Variants in PTCH1 observed in about 807,000 individuals in gnomAD.
The protein encoded by PTCH1 is protein patched homolog 1.
A neutral mutation model predicts 144.6 loss-of-function variants in PTCH1; 14 were observed. The ratio of observed to expected loss-of-function variants is 0.10; its 90% CI spans 0.06 to 0.15. The LOEUF is 0.15. Among genes scored for constraint, PTCH1 ranks in the 10% least tolerant of loss-of-function variants. The pLI is 1.00. For synonymous variants in PTCH1, 833 were observed against 793.6 expected (o/e 1.05, Z -0.83); for missense variants, 1,623 against 1,948.3 (o/e 0.83, Z 3.14).
At chr9:95,453,135 C>CA in intron 20 of PTCH1, 1 of 356,090 alleles carries the variant, frequency 2.8e-6, no homozygotes, top group African/African-American at 2.1e-5. Context: ...GAGCTAATAA[C>CA]AATATTTTTT....
At chr9:95,514,510 A>G (rs1049540264) in intron 1 of PTCH1, 1 of 152,190 alleles carries the variant, frequency 6.6e-6, no homozygotes, top group Admixed American at 6.5e-5. Context: ...AAGTAAAACA[A>G]TTCCAGCTTA....
chr9:95,511,727 C>A (rs974600609), upstream of PTCH1, among the ~76,000 whole-genome samples: 4 of 152,152 alleles, frequency 2.6e-5, no homozygotes, highest in African/African-American at 9.7e-5. Context: ...TGATAAATAG[C>A]ACAAAACAGG....
intron 2 of PTCH1, among the ~76,000 whole-genome samples, chr9:95,498,544 A>AG (rs1249889639): frequency 3.9e-5 from 6 of 152,178 alleles, no homozygotes. Flanking sequence ...CCTGTACACC[A>AG]GGCTCCTAAA....
At chr9:95,494,287 G>A (rs1192714929) in intron 2 of PTCH1, 1 of 985,398 alleles carries the variant, frequency 1.0e-6, no homozygotes, top group Non-Finnish European at 1.2e-6. Context: ...GATGCAATCA[G>A]GTCAGCCCGG....
chr9:95,514,922 C>T (rs997593208), intron 1 of PTCH1, among the ~76,000 whole-genome samples: 1 of 152,148 alleles, frequency 6.6e-6, no homozygotes, highest in Non-Finnish European at 1.5e-5. Context: ...TGATGTCTAC[C>T]TTGATTCAAC....
chr9:95,511,050 C>G (rs1844129460), upstream of PTCH1, among the ~76,000 whole-genome samples: 1 of 150,040 alleles, frequency 6.7e-6, no homozygotes, highest in Non-Finnish European at 1.5e-5. Context: ...CCCCCTTACG[C>G]TGCCCAATGC....
chr9:95,511,352 C>T (rs1184756454), upstream of PTCH1, among the ~76,000 whole-genome samples: 1 of 152,226 alleles, frequency 6.6e-6, no homozygotes, highest in Non-Finnish European at 1.5e-5. Context: ...GCCACCTTCC[C>T]TCCAGCCTCT....
Position 95,509,099 on chromosome 9 carries a change from C to A in PTCH1, c.-738G>T, listed in dbSNP as rs1843996188. Among the ~76,000 whole-genome samples the A allele has an allele frequency of 6.6e-6, 1 of 152,112 alleles. No individual in the cohort carries two copies. Among genetic ancestry groups the A allele is most frequent in the Non-Finnish European group, 1.5e-5 (1 of 67,986 alleles). On this transcript the variant is annotated 5_prime_UTR_variant, in exon 1 of 24. Coordinates refer to ENST00000331920, the MANE Select transcript of PTCH1 (RefSeq NM_000264.5). ...TCGGCAACCCGCTGGACCATTCTGT[C>A]CCCGTGCAGCGCGCCTCTCTCGCTC... is the stretch of plus-strand genomic sequence containing the variant.
intron 2 of PTCH1, among the ~76,000 whole-genome samples, chr9:95,490,299 G>A (rs985372331): frequency 6.6e-6 from 1 of 151,548 alleles, no homozygotes; most frequent in Non-Finnish European, 1.5e-5. Flanking sequence ...ACAGATAAAC[G>A]TATTTATCTC....
chr9:95,479,457 C>G (rs1841359347), intron 7 of PTCH1, among the ~76,000 whole-genome samples: 1 of 152,172 alleles, frequency 6.6e-6, no homozygotes, highest in South Asian at 2.1e-4. Flanking sequence ...AACAGATACA[C>G]CGGGCTCAGT....
chr9:95,515,556 G>C (rs1372212280), intron 1 of PTCH1, among the ~76,000 whole-genome samples: 1 of 152,224 alleles, frequency 6.6e-6, no homozygotes, highest in Admixed American at 6.5e-5. Context: ...TGGAGACACA[G>C]CGCATGTCAC....
rs1398640566 is a variant in PTCH1 at position 95,476,892 on chromosome 9, T to C, written c.1504-35A>G. The stretch of plus-strand genomic sequence containing the variant: ...AAACAGAGGATGGTGGCATTAGACA[T>C]GCGAGATGCAATTCAGATGATTCTA... On this transcript the variant is annotated intron_variant, in intron 10 of 23. Coordinates refer to ENST00000331920, the MANE Select transcript of PTCH1 (RefSeq NM_000264.5). The surrounding 1 kb of genome is among the most constrained non-coding windows in gnomAD (Gnocchi z 4.6). The C allele has an allele frequency of 6.3e-7, 1 of 1,584,490 alleles. No homozygotes were observed. The highest frequency in any genetic ancestry group is 1.1e-5 in the South Asian group (1 of 89,420).
rs864622569 is a variant in PTCH1, at chr9:95,447,161, G to A, written c.4095C>T (p.Cys1365=). Residue 1365 remains cysteine (C), a synonymous_variant, in exon 23 of 24, where the codon TGC becomes TGT. Coordinates refer to ENST00000331920, the MANE Select transcript of PTCH1 (RefSeq NM_000264.5). ...AAGCCGTCACAGTGGTGATGGGCTGGCAGTAGCCGGGCACGGAGCTGCCCA... is the reference window on the plus strand; with the variant it reads ...AAGCCGTCACAGTGGTGATGGGCTGACAGTAGCCGGGCACGGAGCTGCCCA... ...TAMGSSVPGY[C]QPITTVTASA... is the part of the protein sequence containing the mutation. The A allele has an allele frequency of 6.2e-7, 1 of 1,613,164 alleles. No individual in the cohort carries two copies.
intron 22 of PTCH1, among the ~76,000 whole-genome samples, chr9:95,448,453 C>T (rs929975022): frequency 6.6e-5 from 10 of 152,060 alleles, no homozygotes; most frequent in East Asian, 5.8e-4. Flanking sequence ...TTGGAGCCTC[C>T]GAGGAGGGGC....
At chr9:95,460,873 C>T (rs1839393316) in intron 16 of PTCH1, among the ~76,000 whole-genome samples, 1 of 152,186 alleles carries the variant, frequency 6.6e-6, no homozygotes, top group Non-Finnish European at 1.5e-5. Context: ...ACTCCTCTGC[C>T]TGCATCCTTG....
At position 95,449,428 on chromosome 9, in the gene PTCH1, TG is replaced by T; in HGVS notation, c.3550-106del. ...TTTCAGGGGCCTCTGTTCCCTGCCCTGGGGCCCTGCGCACTGTGCCGTATTA... is the reference window on the plus strand; with the variant it reads ...TTTCAGGGGCCTCTGTTCCCTGCCCTGGGCCCTGCGCACTGTGCCGTATTA... On this transcript the variant is annotated intron_variant, in intron 21 of 23. Coordinates refer to ENST00000331920, the MANE Select transcript of PTCH1 (RefSeq NM_000264.5). This position sits in a 1 kb window ranked among gnomAD's most constrained non-coding sequence, Gnocchi z 5.3. The T allele has an allele frequency of 2.7e-6, 4 of 1,465,628 alleles. No individual in the cohort carries two copies. Among genetic ancestry groups the T allele is most frequent in the Non-Finnish European group, 3.7e-6 (4 of 1,083,010 alleles). The allele number at this position is 1,465,628 out of a possible 1,614,324, so 90.8% of individuals were successfully genotyped here.
At chr9:95,505,618 GTTC>G (rs1172233529) in intron 2 of PTCH1, among the ~76,000 whole-genome samples, 1 of 152,066 alleles carries the variant, frequency 6.6e-6, no homozygotes, top group Non-Finnish European at 1.5e-5. Flanking sequence ...TCAACCCCGC[GTTC>G]TTAAAACATT....
chr9:95,478,904 A>C (rs1841307113), intron 8 of PTCH1, 96 bp downstream of exon 8: 1 of 1,571,866 alleles, frequency 6.4e-7, no homozygotes, highest in Admixed American at 1.8e-5. Flanking sequence ...CAATGTTTTG[A>C]AAATAAAGCG....
In PTCH1 at chr9:95,480,550, A is replaced by G. The variant is rs1318134628; in HGVS notation, c.785T>C (p.Leu262Ser). The change falls in exon 6 of 24, where the codon TTG (leucine) becomes TCG (serine). Residue 262 changes from leucine to serine, a missense_variant. Leu to Ser is a moderately radical substitution (Grantham distance 145, BLOSUM62 -2). Transcript: ENST00000331920. Reference protein sequence around the residue: ...PPLRWTNFDPLEFLEELKKIN... With the variant: ...PPLRWTNFDPSEFLEELKKIN... The stretch of plus-strand genomic sequence containing the variant: ...TTTCTTTAACTCTTCCAGGAATTCC[A>G]AAGGGTCGAAGTTTGTCCACCGCAA... 6.2e-7 allele frequency: 1 copy of G among 1,613,714 alleles called. No individual in the cohort carries two copies.
Sources: gnomAD v4.1 joint callset for allele counts (sites outside exome capture counted in the v4.1 genomes callset) on GRCh38, gnomAD v4.1.1 for gene constraint, Gnocchi (gnomAD v3.1) non-coding constraint, MANE v1.5 for transcripts, NCBI Gene and HGNC (gene_info 2026-07-23, HGNC 2026-07-21) for gene names.